The following STK39 variants were observed in gnomAD, a reference collection of about 807,000 sequenced individuals.
STK39 encodes serine/threonine kinase 39.
In STK39, 20 loss-of-function variants were observed where a neutral mutation model predicts 77.8. The ratio of observed to expected loss-of-function variants is 0.26; its 90% CI spans 0.18 to 0.37. The LOEUF (loss-of-function observed/expected upper bound fraction) is 0.37, where lower values mean the gene tolerates loss of function less well. Ranked by LOEUF, STK39 falls within the 10% of genes least tolerant of loss-of-function variation. STK39 has a pLI of 1.00. For synonymous variants in STK39, 246 were observed against 234.1 expected, an observed-to-expected ratio of 1.05 and a Z score of -0.47; for missense variants, 479 against 656.5, an observed-to-expected ratio of 0.73 and a Z score of 2.95.
Position 167,983,477 on chromosome 2 carries a change from A to AAAGG in STK39, c.1499-18755_1499-18752dup, listed in dbSNP as rs35073385. On this transcript the variant is annotated intron_variant, in intron 16 of 17. Coordinates refer to ENST00000355999, the MANE Select transcript of STK39 (RefSeq NM_013233.3). The stretch of plus-strand genomic sequence containing the variant: ...CCAAAAAAAAAAAAAAAAAGAAATG[A>AAAGG]AAGGAAGGAAGGAAGGAAGGAAGGA... 7.9e-3 allele frequency among the ~76,000 whole-genome samples: 1,029 copies of AAAGG among 130,784 alleles called. 22 individuals carry two copies. Among genetic ancestry groups the AAAGG allele is most frequent in the African/African-American group, 0.028 (973 of 34,894 alleles). The allele number at this position is 130,784 out of a possible 152,430, so 85.8% of individuals were successfully genotyped here.
chr2:168,116,514 G>C (rs1001548847), intron 10 of STK39, among the ~76,000 whole-genome samples: 1 of 152,094 alleles, frequency 6.6e-6, no homozygotes, highest in African/African-American at 2.4e-5. Context: ...TTAAAAACAA[G>C]GTATTTCTGG....
At chr2:167,958,217 G>A (rs985018968) in intron 17 of STK39, among the ~76,000 whole-genome samples, 1 of 152,088 alleles carries the variant, frequency 6.6e-6, no homozygotes, top group Non-Finnish European at 1.5e-5. Flanking sequence ...GGTTATATTC[G>A]TTAGACTGAC....
intron 16 of STK39, among the ~76,000 whole-genome samples, chr2:167,978,663 T>A (rs781273913): frequency 4.6e-4 from 70 of 152,208 alleles, no homozygotes; most frequent in Admixed American, 5.2e-4. Flanking sequence ...GTTTTTCAAG[T>A]CTGAGTATGA....
intron 1 of STK39, among the ~76,000 whole-genome samples, chr2:168,185,306 G>A (rs1465014902): frequency 2.6e-5 from 4 of 152,318 alleles, no homozygotes; most frequent in Non-Finnish European, 5.9e-5. Context: ...ATATGCACAA[G>A]TTAAGTGGGC....
intron 5 of STK39, among the ~76,000 whole-genome samples, chr2:168,158,420 T>A (rs1688489454): frequency 6.6e-6 from 1 of 152,158 alleles, no homozygotes; most frequent in South Asian, 2.1e-4. Context: ...CCCTGAAACC[T>A]TACCAGGGAC....
chr2:168,066,830 T>C (rs750314603), intron 12 of STK39, among the ~76,000 whole-genome samples: 2 of 152,244 alleles, frequency 1.3e-5, no homozygotes, highest in Non-Finnish European at 2.9e-5. Context: ...CACAGCAATA[T>C]GGTAATTCCT....
intron 1 of STK39, among the ~76,000 whole-genome samples, chr2:168,213,689 TAAAAA>T (rs10706908): frequency 2.4e-5 from 3 of 124,216 alleles, no homozygotes; most frequent in Non-Finnish European, 5.1e-5. Flanking sequence ...CAGCCATATT[TAAAAA>T]AAAAAAAAAA....
intron 14 of STK39, among the ~76,000 whole-genome samples, chr2:168,041,831 T>C (rs140993794): frequency 2.0e-5 from 3 of 152,278 alleles, no homozygotes; most frequent in East Asian, 3.9e-4. Context: ...TGTAATTCAA[T>C]GAAGATAAGC....
intron 1 of STK39, among the ~76,000 whole-genome samples, chr2:168,198,534 AAC>A (rs1689531802): frequency 6.6e-6 from 1 of 152,212 alleles, no homozygotes; most frequent in Non-Finnish European, 1.5e-5. Flanking sequence ...TGACTTCCCA[AAC>A]CAAGTAAGTA....
intron 10 of STK39, among the ~76,000 whole-genome samples, chr2:168,083,536 T>A (rs890954890): frequency 6.6e-6 from 1 of 152,052 alleles, no homozygotes; most frequent in African/African-American, 2.4e-5. Context: ...AAATTTTTTT[T>A]AAAAGACATA....
chr2:168,118,680 T>A (rs903240911), intron 10 of STK39, among the ~76,000 whole-genome samples: 5 of 150,534 alleles, frequency 3.3e-5, no homozygotes, highest in Non-Finnish European at 7.4e-5. Context: ...CTTTTCCCCC[T>A]TGCTCTTTCC....
At chr2:167,989,507 A>G (rs895793707) in intron 16 of STK39, among the ~76,000 whole-genome samples, 1 of 152,188 alleles carries the variant, frequency 6.6e-6, no homozygotes, top group African/African-American at 2.4e-5. Flanking sequence ...TAGTCAACCA[A>G]TGCTGGAAGA....
intron 1 of STK39, among the ~76,000 whole-genome samples, chr2:168,195,676 A>C (rs1396296518): frequency 6.6e-6 from 1 of 152,240 alleles, no homozygotes; most frequent in African/African-American, 2.4e-5. Flanking sequence ...ACTTAAGTCC[A>C]TCCAGTTAGA....
At chr2:168,071,440 A>G (rs749281081) in intron 12 of STK39, among the ~76,000 whole-genome samples, 1 of 152,182 alleles carries the variant, frequency 6.6e-6, no homozygotes, top group Non-Finnish European at 1.5e-5. Context: ...AAACATGAAA[A>G]AGCTTATTAA....
At chr2:168,011,718 T>C (rs957309286) in intron 16 of STK39, among the ~76,000 whole-genome samples, 1 of 152,104 alleles carries the variant, frequency 6.6e-6, no homozygotes, top group African/African-American at 2.4e-5. Context: ...GGCTCCCCTA[T>C]CTCCGTGCAG....
intron 5 of STK39, among the ~76,000 whole-genome samples, chr2:168,142,991 A>G (rs1323996259): frequency 1.3e-5 from 2 of 152,240 alleles, no homozygotes; most frequent in Admixed American, 1.3e-4. Flanking sequence ...AGGTGGCAGA[A>G]CTGTAACAGT....
At position 168,050,708 on chromosome 2, in the gene STK39, G is replaced by C. The variant is rs554880125; in HGVS notation, c.1376+12792C>G. On this transcript the variant is annotated intron_variant, in intron 14 of 17. Coordinates refer to ENST00000355999, the MANE Select transcript of STK39 (RefSeq NM_013233.3). ...CTCCAGAAAGGAATGCAGCCCTATAGACACCTTGATTTTAGCCCGCTGAGA... is the reference window on the plus strand; with the variant it reads ...CTCCAGAAAGGAATGCAGCCCTATACACACCTTGATTTTAGCCCGCTGAGA... 3.9e-5 allele frequency among the ~76,000 whole-genome samples: 6 copies of C among 152,270 alleles called. No individual in the cohort carries two copies. The South Asian group carries it at 1.2e-3, about 32-fold the overall frequency.
intron 14 of STK39, among the ~76,000 whole-genome samples, chr2:168,025,971 C>A (rs1465645554): frequency 6.6e-6 from 1 of 152,230 alleles, no homozygotes; most frequent in African/African-American, 2.4e-5. Flanking sequence ...CACTTCACCT[C>A]TCCAACATTC....
chr2:168,209,035 T>C (rs1467805423), intron 1 of STK39, among the ~76,000 whole-genome samples: 1 of 152,196 alleles, frequency 6.6e-6, no homozygotes, highest in African/African-American at 2.4e-5. Flanking sequence ...ATCCCAAGGA[T>C]AGCACAATAC....
Sources: gnomAD v4.1 joint callset for allele counts (sites outside exome capture counted in the v4.1 genomes callset) on GRCh38, gnomAD v4.1.1 for gene constraint, MANE v1.5 for transcripts, NCBI Gene and HGNC (gene_info 2026-07-23, HGNC 2026-07-21) for gene names.